The following ARHGAP35 variants were observed in gnomAD, a reference collection of about 807,000 sequenced individuals.
ARHGAP35 encodes rho GTPase-activating protein 35.
A neutral mutation model predicts 111.1 loss-of-function variants in ARHGAP35; 15 were observed. That is an observed-to-expected ratio of 0.13 (90% CI 0.09 to 0.21). The LOEUF is 0.21. Among genes scored for constraint, ARHGAP35 ranks in the 10% least tolerant of loss-of-function variants. The pLI is 1.00. For synonymous variants in ARHGAP35, 643 were observed against 710.3 expected (o/e 0.91, Z 1.51); for missense variants, 1,262 against 1,873.0 (o/e 0.67, Z 6.02).
intron 3 of ARHGAP35, among the ~76,000 whole-genome samples, chr19:46,979,383 C>T (rs2056608051): frequency 6.6e-6 from 1 of 152,126 alleles, no homozygotes; most frequent in South Asian, 2.1e-4. Context: ...CGGCTCACCT[C>T]GATTATGGAC....
intron 2 of ARHGAP35, among the ~76,000 whole-genome samples, chr19:46,929,305 T>G (rs1245428890): frequency 6.6e-6 from 1 of 152,196 alleles, no homozygotes; most frequent in Non-Finnish European, 1.5e-5. Context: ...CTTTTGGAAC[T>G]CTTTTGGAAA....
chr19:46,884,789 A>G (rs974035370), intron 1 of ARHGAP35, among the ~76,000 whole-genome samples: 20 of 152,124 alleles, frequency 1.3e-4, no homozygotes, highest in African/African-American at 4.3e-4. Context: ...GTGCAGTGGC[A>G]TGATCATGGC....
Position 46,919,523 on chromosome 19 carries a change from G to T in ARHGAP35, c.848G>T (p.Arg283Leu), listed in dbSNP as rs779738931. 6.2e-7 allele frequency: 1 copy of T among 1,613,828 alleles called. No individual in the cohort carries two copies. Among genetic ancestry groups the T allele is most frequent in the African/African-American group, 1.3e-5 (1 of 75,022 alleles). ...GACAAGTATGAGTGGCTGGTGAGTCGCATTGTGAAAAACCACAATGAGAAC... is the reference window on the plus strand; with the variant it reads ...GACAAGTATGAGTGGCTGGTGAGTCTCATTGTGAAAAACCACAATGAGAAC... Reference protein sequence around the residue: ...AKDKYEWLVSRIVKNHNENWL... With the variant: ...AKDKYEWLVSLIVKNHNENWL... The change falls in exon 2 of 7, where the codon CGC becomes CTC. Residue 283 changes from arginine (R) to leucine (L), a missense_variant. Around this residue, in one of 8 missense-constraint regions of ARHGAP35, gnomAD observed 328 missense variants for 440.8 expected, o/e 0.74. Transcript: ENST00000672722. This position sits in a 1 kb window ranked among gnomAD's most constrained non-coding sequence, Gnocchi z 6.2.
chr19:46,891,728 G>A (rs1015673634), intron 1 of ARHGAP35, among the ~76,000 whole-genome samples: 1 of 152,116 alleles, frequency 6.6e-6, no homozygotes, highest in Non-Finnish European at 1.5e-5. Flanking sequence ...CCCGGCCAGG[G>A]CAAAGGTTCT....
At chr19:46,951,517 T>C (rs2056412858) in intron 3 of ARHGAP35, among the ~76,000 whole-genome samples, 1 of 152,118 alleles carries the variant, frequency 6.6e-6, no homozygotes, top group East Asian at 1.9e-4. Flanking sequence ...TGGAATCAAA[T>C]CCCAGCTCTG....
At chr19:46,880,042 T>G (rs1009011868) in intron 1 of ARHGAP35, among the ~76,000 whole-genome samples, 10 of 142,792 alleles carry the variant, frequency 7.0e-5, no homozygotes, top group Admixed American at 1.4e-4. Context: ...GCTGAGACTG[T>G]GCCACTGCAC....
chr19:46,978,389 T>G (rs1385285885), intron 3 of ARHGAP35, among the ~76,000 whole-genome samples: 1 of 152,086 alleles, frequency 6.6e-6, no homozygotes, highest in Non-Finnish European at 1.5e-5. Flanking sequence ...AGGAATCTGC[T>G]TGTAACCCCA....
chr19:46,947,952 G>T (rs1033310417), intron 3 of ARHGAP35: 6 of 152,268 alleles, frequency 3.9e-5, no homozygotes, highest in African/African-American at 1.4e-4. Flanking sequence ...ACAGGGGAAG[G>T]TCGTGCAGCT....
chr19:46,920,234 T>C lies in ARHGAP35; in HGVS notation c.1559T>C (p.Ile520Thr), dbSNP rs369963954. The change falls in exon 2 of 7, where the codon ATT becomes ACT. Residue 520 changes from isoleucine to threonine, a missense_variant. Transcript: ENST00000672722. The surrounding 1 kb of genome is among the most constrained non-coding windows in gnomAD (Gnocchi z 7.0). ...CCCAGCAAGGAGAAGATGGGTGTTA[T>C]TCAGGATGTTCTGGGAGAGGAACAG... is the stretch of plus-strand genomic sequence containing the variant. ...AKPSKEKMGVIQDVLGEEQRF... is the reference protein window; with the variant it reads ...AKPSKEKMGVTQDVLGEEQRF... The C allele has an allele frequency of 6.2e-7, 1 of 1,614,026 alleles. No homozygotes were observed. The highest frequency in any genetic ancestry group is 8.5e-7 in the Non-Finnish European group (1 of 1,179,890).
At chr19:46,938,872 G>A (rs997474097) in intron 3 of ARHGAP35, among the ~76,000 whole-genome samples, 4 of 150,558 alleles carry the variant, frequency 2.7e-5, no homozygotes, top group African/African-American at 9.8e-5. Flanking sequence ...TGGTCAGGCT[G>A]TCTCAAACTC....
At chr19:46,969,565 G>A (rs2056533404) in intron 3 of ARHGAP35, among the ~76,000 whole-genome samples, 1 of 152,148 alleles carries the variant, frequency 6.6e-6, no homozygotes, top group Admixed American at 6.6e-5. Context: ...AGTGTCTTCG[G>A]TGAACGTCTG....
chr19:46,861,916 T>C (rs1464610674), intron 1 of ARHGAP35, among the ~76,000 whole-genome samples: 1 of 88,626 alleles, frequency 1.1e-5, no homozygotes, highest in East Asian at 2.2e-4. Flanking sequence ...TGGGCCCTAC[T>C]ACCCGCATTT....
rs372905431 is a variant in ARHGAP35 at position 46,953,961 on chromosome 19, C to G, written c.3826+16553C>G. Among the ~76,000 whole-genome samples, 28 of 152,332 alleles carry G rather than the reference C, an allele frequency of 1.8e-4. No individual in the cohort carries two copies. In the East Asian group the frequency reaches 2.9e-3, roughly 16 times the overall value. On this transcript the variant is annotated intron_variant, in intron 3 of 6. Coordinates refer to ENST00000672722, the MANE Select transcript of ARHGAP35 (RefSeq NM_004491.5). ...ACATTCCCATCCTTTCCGAAGCCTTCACACTCTAGACATGCCTCGATTATA... is the reference window on the plus strand; with the variant it reads ...ACATTCCCATCCTTTCCGAAGCCTTGACACTCTAGACATGCCTCGATTATA...
At chr19:46,998,067 A>G (rs1599875091) in intron 5 of ARHGAP35, among the ~76,000 whole-genome samples, 1 of 151,806 alleles carries the variant, frequency 6.6e-6, no homozygotes. Context: ...GCACCACTGC[A>G]CTCCAGCCTG....
At chr19:46,937,509 T>C in intron 3 of ARHGAP35, 101 bp downstream of exon 3, 7 of 1,332,546 alleles carry the variant, frequency 5.3e-6, no homozygotes, top group South Asian at 2.6e-5. Flanking sequence ...TTGTTGTTGA[T>C]TGTGAGATGC....
intron 1 of ARHGAP35, among the ~76,000 whole-genome samples, chr19:46,870,171 G>A (rs996490631): frequency 1.3e-5 from 2 of 151,358 alleles, no homozygotes; most frequent in Non-Finnish European, 2.9e-5. Context: ...GGCTGGTCTC[G>A]AACTCCTGAC....
intron 1 of ARHGAP35, among the ~76,000 whole-genome samples, chr19:46,904,597 C>A (rs1251868862): frequency 6.6e-6 from 1 of 152,194 alleles, no homozygotes; most frequent in Non-Finnish European, 1.5e-5. Context: ...CTCACACCAC[C>A]ACTGTGTCAG....
Position 46,920,298 on chromosome 19 carries a change from T to G in ARHGAP35, c.1623T>G (p.Asp541Glu), listed in dbSNP as rs1454550857. 6.2e-7 allele frequency: 1 copy of G among 1,614,016 alleles called. No homozygotes were observed. The highest frequency in any genetic ancestry group is 2.2e-5 in the East Asian group (1 of 44,894). The change falls in exon 2 of 7, where the codon GAT becomes GAG. Residue 541 changes from aspartate to glutamate, a missense_variant. This residue lies in a region of ARHGAP35 where 328 missense variants were observed against 440.8 expected (regional missense o/e 0.74). Transcript: ENST00000672722. This position sits in a 1 kb window ranked among gnomAD's most constrained non-coding sequence, Gnocchi z 7.0. ...TACAAAAGCTCCAAGCAGAGCGTGA[T>G]GCCCTTATTCTGAAACACATTCATT... ...KALQKLQAER[D>E]ALILKHIHFV...
intron 5 of ARHGAP35, among the ~76,000 whole-genome samples, chr19:46,996,190 A>G (rs1011732270): frequency 2.6e-5 from 4 of 152,104 alleles, no homozygotes; most frequent in Non-Finnish European, 5.9e-5. Context: ...TGCAACCTCC[A>G]TCTCCCAAGT....
Sources: allele counts gnomAD v4.1 joint callset (sites outside exome capture counted in the v4.1 genomes callset), GRCh38; gene constraint gnomAD v4.1.1; regional missense constraint gnomAD v4.1.1; non-coding constraint Gnocchi (gnomAD v3.1); transcripts MANE v1.5; gene names NCBI Gene and HGNC (gene_info 2026-07-23, HGNC 2026-07-21).